TNRC6B: variants seen among roughly 807,000 people sequenced by gnomAD.
TNRC6B encodes trinucleotide repeat-containing gene 6B protein.
TNRC6B carries 52 observed loss-of-function variants against 203.6 expected under a neutral mutation model. The ratio of observed to expected loss-of-function variants is 0.26; its 90% CI spans 0.20 to 0.32. TNRC6B has a LOEUF of 0.32. Ranked by LOEUF, TNRC6B falls within the 10% of genes least tolerant of loss-of-function variation. The probability of loss-of-function intolerance (pLI) is 1.00; values close to 1 mark genes in which losing one functional copy is unlikely to be tolerated. For missense variants in TNRC6B, 1,923 were observed against 2,286.2 expected, an observed-to-expected ratio of 0.84 and a Z score of 3.24; for synonymous variants, 838 against 845.7, an observed-to-expected ratio of 0.99 and a Z score of 0.16.
intron 1 of TNRC6B, among the ~76,000 whole-genome samples, chr22:40,083,139 G>A (rs909852483): frequency 1.3e-5 from 2 of 152,192 alleles, no homozygotes; most frequent in African/African-American, 4.8e-5. Flanking sequence ...TAGCATTTAA[G>A]GATAGAATCA....
rs2069538051 is a variant in TNRC6B at position 40,209,955 on chromosome 22, T to C, written c.5+31815T>C. Among the ~76,000 whole-genome samples, 6 of 151,258 alleles carry C rather than the reference T, an allele frequency of 4.0e-5. No individual in the cohort carries two copies. In the South Asian group the frequency reaches 1.3e-3, roughly 32 times the overall value. ...ATTGCTTGAACCCAGGAAGCGGAGG[T>C]TGCAGTGAGCTGAGATTGCATCGCT... On this transcript the variant is annotated intron_variant, in intron 1 of 22. Transcript: ENST00000454349.
chr22:40,318,666 G>A (rs1042120004), intron 21 of TNRC6B, among the ~76,000 whole-genome samples: 1 of 152,024 alleles, frequency 6.6e-6, no homozygotes, highest in African/African-American at 2.4e-5. Flanking sequence ...TTTTCTAAGA[G>A]TTGTCACACA....
chr22:40,303,024 T>C (rs866531258), intron 15 of TNRC6B, among the ~76,000 whole-genome samples: 2 of 118,638 alleles, frequency 1.7e-5, no homozygotes, highest in South Asian at 2.9e-4. Context: ...TGTATTTCCT[T>C]CTTCTTCTTC....
intron 11 of TNRC6B, among the ~76,000 whole-genome samples, chr22:40,282,507 G>A (rs1017572977): frequency 3.9e-5 from 6 of 152,106 alleles, no homozygotes; most frequent in South Asian, 2.1e-4. Context: ...ATTTTGAATC[G>A]AGGTATAGAA....
chr22:40,256,971 G>T (rs1242591911), intron 3 of TNRC6B, among the ~76,000 whole-genome samples: 2 of 152,224 alleles, frequency 1.3e-5, no homozygotes, highest in African/African-American at 2.4e-5. Context: ...GCAAAAGCCA[G>T]TGTGTGTTGG....
chr22:40,282,666 A>AT (rs890450833), intron 11 of TNRC6B, among the ~76,000 whole-genome samples: 10 of 151,922 alleles, frequency 6.6e-5, no homozygotes, highest in Middle Eastern at 3.4e-3. Flanking sequence ...CATTCTTCTT[A>AT]TTTTTTTTGA....
At chr22:40,179,967 G>C (rs1276605632) in intron 1 of TNRC6B, among the ~76,000 whole-genome samples, 1 of 152,172 alleles carries the variant, frequency 6.6e-6, no homozygotes, top group Non-Finnish European at 1.5e-5. Context: ...GTTAGTAATG[G>C]TAATAAATAC....
chr22:40,301,601 GTC>G, intron 15 of TNRC6B: 1 of 457,386 alleles, frequency 2.2e-6, no homozygotes, highest in African/African-American at 2.0e-5. Flanking sequence ...GTGTGTGTGT[GTC>G]TGGTTTATTT....
intron 3 of TNRC6B, among the ~76,000 whole-genome samples, chr22:40,153,565 A>C (rs866325202): frequency 5.3e-5 from 8 of 151,956 alleles, no homozygotes; most frequent in African/African-American, 9.7e-5. Context: ...AAAAAACAAA[A>C]AGAATAAGAA....
At chr22:40,277,202 A>G in intron 8 of TNRC6B, 51 bp downstream of exon 8, 4 of 1,376,924 alleles carry the variant, frequency 2.9e-6, no homozygotes, top group Admixed American at 4.3e-5. Flanking sequence ...TTTAGGTTTA[A>G]TATTAATACC....
At chr22:40,215,400 T>C (rs1203532126) in intron 1 of TNRC6B, among the ~76,000 whole-genome samples, 1 of 152,218 alleles carries the variant, frequency 6.6e-6, no homozygotes, top group Non-Finnish European at 1.5e-5. Context: ...GCCATCTGGC[T>C]CTTCCTTAGG....
chr22:40,173,111 T>C (rs533593428), upstream of TNRC6B, among the ~76,000 whole-genome samples: 31 of 152,290 alleles, frequency 2.0e-4, no homozygotes, highest in African/African-American at 6.7e-4. Context: ...ATATAGTTTT[T>C]GGTTTTGTTT....
chr22:40,228,666 C>T (rs976182935), intron 1 of TNRC6B, among the ~76,000 whole-genome samples: 4 of 150,964 alleles, frequency 2.6e-5, no homozygotes, highest in African/African-American at 4.9e-5. Flanking sequence ...ACTACAGGAG[C>T]CCGCCACCAT....
rs1338526375 is a variant in TNRC6B, at chr22:40,331,373, GT to G, written c.*8137del. 6 of 251,672 alleles carry G rather than the reference GT, an allele frequency of 2.4e-5. No individual in the cohort carries two copies. Among genetic ancestry groups the G allele is most frequent in the Non-Finnish European group, 4.5e-5 (6 of 133,366 alleles). 15.6% of individuals were successfully genotyped at this position (251,672 alleles called of 1,614,324 possible). On this transcript the variant is annotated 3_prime_UTR_variant, in exon 23 of 23. Transcript: ENST00000454349. ...ACAGAAATCTGCAGTGTCTTTATTT[GT>G]TTTTATGTTTTAAACAATTTCACCT...
At chr22:40,221,761 C>CTTT (rs138030) in intron 1 of TNRC6B, among the ~76,000 whole-genome samples, 13 of 134,284 alleles carry the variant, frequency 9.7e-5, no homozygotes, top group African/African-American at 3.2e-4. Flanking sequence ...GCCCCCCCCC[C>CTTT]TTTTTTTTTT....
chr22:40,182,896 G>A lies in TNRC6B; in HGVS notation c.5+4756G>A, dbSNP rs141986157. 9.3e-3 allele frequency among the ~76,000 whole-genome samples: 1,413 copies of A among 152,204 alleles called. 10 individuals are homozygous for A. Among genetic ancestry groups the A allele is most frequent in the South Asian group, 0.017 (82 of 4,824 alleles). On this transcript the variant is annotated intron_variant, in intron 1 of 22. Transcript: ENST00000454349. ...ATTACCTCTGAGAACTTTGCAACCT[G>A]GAATTGCCTTCCTAGTTATTTTATC...
chr22:40,300,326 A>C, intron 12 of TNRC6B, 129 bp from the exon 13 acceptor site: 1 of 834,044 alleles, frequency 1.2e-6, no homozygotes, highest in Non-Finnish European at 1.7e-6. Context: ...CCTGTTATAT[A>C]TTTTTCACAG....
At chr22:40,196,468 G>C (rs1337009750) in intron 1 of TNRC6B, among the ~76,000 whole-genome samples, 2 of 152,070 alleles carry the variant, frequency 1.3e-5, no homozygotes, top group Non-Finnish European at 2.9e-5. Context: ...CAGTGGTCCA[G>C]GACCCTAAAA....
intron 1 of TNRC6B, among the ~76,000 whole-genome samples, chr22:40,067,944 G>C (rs1311049839): frequency 1.3e-5 from 2 of 152,102 alleles, no homozygotes. Flanking sequence ...AACCATCACA[G>C]TGGATATGTT....
Sources: gnomAD v4.1 joint callset for allele counts (sites outside exome capture counted in the v4.1 genomes callset) on GRCh38, gnomAD v4.1.1 for gene constraint, MANE v1.5 for transcripts, NCBI Gene and HGNC (gene_info 2026-07-23, HGNC 2026-07-21) for gene names.